The following CCDC102B variants were observed in gnomAD, a reference collection of about 807,000 sequenced individuals.
CCDC102B encodes coiled-coil domain-containing protein 102B.
CCDC102B carries 75 observed loss-of-function variants against 57.4 expected under a neutral mutation model. The observed-to-expected ratio is 1.31, with a 90% CI of 1.08 to 1.58. The LOEUF (loss-of-function observed/expected upper bound fraction) is 1.58, where lower values mean the gene tolerates loss of function less well. Among genes scored for constraint, CCDC102B ranks in the 40% most tolerant of loss-of-function variants. The pLI is 0.00. For missense variants in CCDC102B, 636 were observed against 582.6 expected (o/e 1.09, Z -0.94); for synonymous variants, 206 against 201.9 (o/e 1.02, Z -0.17).
intron 7 of CCDC102B, among the ~76,000 whole-genome samples, chr18:69,046,654 A>G (rs574811277): frequency 6.6e-6 from 1 of 152,266 alleles, no homozygotes; most frequent in Non-Finnish European, 1.5e-5. Flanking sequence ...CATCTTTGTC[A>G]TGAAATATTT....
At chr18:68,835,192 T>G (rs2037313859) in intron 1 of CCDC102B, among the ~76,000 whole-genome samples, 1 of 152,128 alleles carries the variant, frequency 6.6e-6, no homozygotes, top group Non-Finnish European at 1.5e-5. Context: ...CTTTACAAAT[T>G]AATTTGTGTG....
At chr18:68,758,238 G>T (rs2034124877) in intron 2 of CCDC102B, among the ~76,000 whole-genome samples, 1 of 151,368 alleles carries the variant, frequency 6.6e-6, no homozygotes, top group Non-Finnish European at 1.5e-5. Flanking sequence ...ATGTATATAT[G>T]TGTTACATAT....
rs1341833771 is a variant in CCDC102B at position 69,006,391 on chromosome 18, A to AGATT, written c.1264-4542_1264-4539dup. 4.8e-3 allele frequency among the ~76,000 whole-genome samples: 641 copies of AGATT among 133,630 alleles called. 2 individuals are homozygous for AGATT. The highest frequency in any genetic ancestry group is 0.017 in the African/African-American group (619 of 36,962). The allele number at this position is 133,630 out of a possible 152,430, so 87.7% of individuals were successfully genotyped here. ...GATGGTAGCAAAGGCCATAGCTTTG[A>AGATT]GATTTATTTATTTATTTATTTATTT... On this transcript the variant is annotated intron_variant, in intron 6 of 7. Coordinates refer to ENST00000360242, the MANE Select transcript of CCDC102B (RefSeq NM_024781.3).
chr18:69,048,728 C>G (rs2052625589), intron 7 of CCDC102B, among the ~76,000 whole-genome samples: 1 of 151,910 alleles, frequency 6.6e-6, no homozygotes, highest in East Asian at 1.9e-4. Flanking sequence ...AAACTCCCCT[C>G]CCCCATACCC....
intron 6 of CCDC102B, among the ~76,000 whole-genome samples, chr18:68,995,400 A>C (rs1219170636): frequency 1.3e-5 from 2 of 152,148 alleles, no homozygotes; most frequent in Non-Finnish European, 2.9e-5. Context: ...CTCCCATCTT[A>C]GGTCGGCTTA....
rs1209823056 is a variant in CCDC102B at position 68,857,312 on chromosome 18, T to TAATA, written c.936+10891_936+10892insAATA. On this transcript the variant is annotated intron_variant, in intron 4 of 7. Transcript: ENST00000360242. Reference sequence around the variant, plus strand: ...TATATATTATATATATAATATATATTTATATATTATATATATAAAATATAT... The same window carrying TAATA: ...TATATATTATATATATAATATATATTAATATATATATTATATATATAAAATATAT... Among the ~76,000 whole-genome samples the TAATA allele has an allele frequency of 1.7e-3, 6 of 3,626 alleles. 1 individual carries two copies. The highest frequency in any genetic ancestry group is 4.8e-3 in the African/African-American group (6 of 1,262). 2.4% of individuals were successfully genotyped at this position (3,626 alleles called of 152,430 possible).
chr18:68,720,400 T>C (rs1413861063), intron 2 of CCDC102B, among the ~76,000 whole-genome samples: 2 of 152,208 alleles, frequency 1.3e-5, no homozygotes, highest in Non-Finnish European at 2.9e-5. Flanking sequence ...CTCCATTGGG[T>C]TCTAGGATTG....
intron 2 of CCDC102B, among the ~76,000 whole-genome samples, chr18:68,767,413 A>AAG (rs1374715546): frequency 6.6e-6 from 1 of 152,246 alleles, no homozygotes; most frequent in Non-Finnish European, 1.5e-5. Context: ...GCAAGCCAGG[A>AAG]AGAGAGCCCT....
intron 5 of CCDC102B, among the ~76,000 whole-genome samples, chr18:68,890,958 CTT>C (rs2040055823): frequency 6.6e-6 from 1 of 151,990 alleles, no homozygotes; most frequent in Non-Finnish European, 1.5e-5. Flanking sequence ...AGGAGTGGGA[CTT>C]ATTTCTTTAG....
intron 5 of CCDC102B, among the ~76,000 whole-genome samples, chr18:68,882,695 C>T (rs1474423285): frequency 6.6e-6 from 1 of 152,102 alleles, no homozygotes; most frequent in Non-Finnish European, 1.5e-5. Context: ...AAAAGGATTG[C>T]CACATTTTCA....
intron 7 of CCDC102B, among the ~76,000 whole-genome samples, chr18:69,026,691 A>G (rs1156876282): frequency 6.6e-6 from 1 of 152,178 alleles, no homozygotes; most frequent in Admixed American, 6.5e-5. Context: ...AGAAGGAGGC[A>G]GAGACTGAGA....
intron 6 of CCDC102B, among the ~76,000 whole-genome samples, chr18:68,923,986 G>A (rs1313629227): frequency 6.6e-6 from 1 of 151,942 alleles, no homozygotes; most frequent in Admixed American, 6.6e-5. Flanking sequence ...TTCATTCTAT[G>A]TTTATGGCTG....
intron 2 of CCDC102B, among the ~76,000 whole-genome samples, chr18:68,723,778 C>A (rs921466363): frequency 6.6e-6 from 1 of 152,304 alleles, no homozygotes; most frequent in South Asian, 2.1e-4. Flanking sequence ...TGTGGCTTTT[C>A]CAGCTGCGTG....
intron 6 of CCDC102B, among the ~76,000 whole-genome samples, chr18:68,964,316 A>G (rs183328542): frequency 5.9e-5 from 9 of 151,698 alleles, no homozygotes; most frequent in Admixed American, 4.6e-4. Flanking sequence ...ACCAAATTCT[A>G]ATTTCCAAAA....
chr18:68,893,539 T>C (rs564897817), intron 5 of CCDC102B, among the ~76,000 whole-genome samples: 1 of 152,262 alleles, frequency 6.6e-6, no homozygotes, highest in Admixed American at 6.5e-5. Flanking sequence ...AGAAGGGCTT[T>C]TTCCTGGAGA....
chr18:68,852,501 C>G (rs1035084570), intron 4 of CCDC102B, among the ~76,000 whole-genome samples: 2 of 152,122 alleles, frequency 1.3e-5, no homozygotes, highest in Admixed American at 6.6e-5. Context: ...ATTCCTAATA[C>G]ACCATTTCTA....
intron 2 of CCDC102B, among the ~76,000 whole-genome samples, chr18:68,730,363 C>T (rs2032802981): frequency 6.6e-6 from 1 of 151,984 alleles, no homozygotes; most frequent in Non-Finnish European, 1.5e-5. Context: ...GGTACTAACC[C>T]AATTATGAAA....
intron 2 of CCDC102B, among the ~76,000 whole-genome samples, chr18:68,736,484 G>A (rs1171042948): frequency 1.3e-5 from 2 of 152,138 alleles, no homozygotes; most frequent in Non-Finnish European, 2.9e-5. Context: ...TAATGTTGTT[G>A]CCTTGCACCG....
At chr18:68,883,985 A>G (rs2039785860) in intron 5 of CCDC102B, among the ~76,000 whole-genome samples, 1 of 152,216 alleles carries the variant, frequency 6.6e-6, no homozygotes, top group Non-Finnish European at 1.5e-5. Context: ...AAAGTTTTTT[A>G]AAAACTAGAA....
Sources: gnomAD v4.1 joint callset for allele counts (sites outside exome capture counted in the v4.1 genomes callset) on GRCh38, gnomAD v4.1.1 for gene constraint, MANE v1.5 for transcripts, NCBI Gene and HGNC (gene_info 2026-07-23, HGNC 2026-07-21) for gene names.